The following HLCS variants were observed in gnomAD, a reference collection of about 807,000 sequenced individuals.
The protein encoded by HLCS is holocarboxylase synthetase.
HLCS carries 53 observed loss-of-function variants against 75.0 expected under a neutral mutation model. That is an observed-to-expected ratio of 0.71 (90% CI 0.57 to 0.89). The LOEUF (loss-of-function observed/expected upper bound fraction) is 0.89. HLCS is among the 40% of genes least tolerant of loss of function. The probability of loss-of-function intolerance (pLI) is 0.00; values close to 1 mark genes in which losing one functional copy is unlikely to be tolerated. For synonymous variants in HLCS, 431 were observed against 428.6 expected, an observed-to-expected ratio of 1.01 and a Z score of -0.07; for missense variants, 966 against 1,074.0, an observed-to-expected ratio of 0.90 and a Z score of 1.41.
intron 6 of HLCS, among the ~76,000 whole-genome samples, chr21:36,780,306 G>T (rs34525201): frequency 6.6e-6 from 1 of 151,958 alleles, no homozygotes. Flanking sequence ...GCAGTGGCGC[G>T]ATCCCAGGTT....
chr21:36,897,324 T>C (rs2065055377), intron 5 of HLCS, among the ~76,000 whole-genome samples, 193 bp from the exon 6 acceptor site: 1 of 152,204 alleles, frequency 6.6e-6, no homozygotes, highest in African/African-American at 2.4e-5. Flanking sequence ...ACTTATACTA[T>C]AAAATAAGCT....
intron 2 of HLCS, among the ~76,000 whole-genome samples, chr21:36,959,828 T>TA (rs2068182658): frequency 6.6e-6 from 1 of 152,142 alleles, no homozygotes; most frequent in Non-Finnish European, 1.5e-5. Context: ...TGCAGGACAA[T>TA]AACTCAGGAC....
intron 6 of HLCS, among the ~76,000 whole-genome samples, chr21:36,857,099 T>C (rs1332404481): frequency 1.3e-5 from 2 of 152,230 alleles, no homozygotes; most frequent in African/African-American, 4.8e-5. Context: ...TAAATGCCTC[T>C]ACCAAAATAG....
At chr21:36,830,341 C>G (rs2062158883) in intron 6 of HLCS, among the ~76,000 whole-genome samples, 1 of 152,236 alleles carries the variant, frequency 6.6e-6, no homozygotes, top group Non-Finnish European at 1.5e-5. Context: ...AGAGTAACAT[C>G]AGCCTTTTCC....
intron 9 of HLCS, chr21:36,759,259 G>C (rs972392293): frequency 8.6e-6 from 4 of 467,632 alleles, no homozygotes; most frequent in African/African-American, 2.0e-5. Flanking sequence ...GATGTGCTAA[G>C]GTGAAACAGG....
chr21:36,803,670 CAGA>C (rs1317925593), intron 6 of HLCS, among the ~76,000 whole-genome samples: 3 of 145,216 alleles, frequency 2.1e-5, no homozygotes, highest in African/African-American at 5.1e-5. Context: ...GTTTCCAAAG[CAGA>C]AGTAGAAAGA....
intron 6 of HLCS, among the ~76,000 whole-genome samples, chr21:36,889,891 C>T (rs1276024406): frequency 6.6e-6 from 1 of 152,140 alleles, no homozygotes; most frequent in African/African-American, 2.4e-5. Flanking sequence ...ATGGTTATGC[C>T]CTGTGCCCCC....
upstream of HLCS, among the ~76,000 whole-genome samples, chr21:36,969,848 C>T (rs1187879951): frequency 6.6e-6 from 1 of 152,142 alleles, no homozygotes; most frequent in Non-Finnish European, 1.5e-5. Context: ...GCTGGGATTA[C>T]AGGCGTGAGC....
chr21:36,752,812 CAA>C lies in HLCS; in HGVS notation c.*1432_*1433del. ...GGTAGACAGACTATACTAAAAACCA[CAA>C]GTTTCTGGAATTAGCCTGACTGGGT... is the stretch of plus-strand genomic sequence containing the variant. On this transcript the variant is annotated 3_prime_UTR_variant, in exon 11 of 11. Coordinates refer to ENST00000674895, the MANE Select transcript of HLCS (RefSeq NM_001352514.2). 6.6e-6 allele frequency: 1 copy of C among 152,310 alleles called. No individual in the cohort carries two copies. Among genetic ancestry groups the C allele is most frequent in the East Asian group, 1.9e-4 (1 of 5,184 alleles). The allele number at this position is 152,310 out of a possible 1,614,324, so 9.4% of individuals were successfully genotyped here.
intron 5 of HLCS, among the ~76,000 whole-genome samples, chr21:36,917,606 G>GT (rs1040839250): frequency 7.2e-5 from 11 of 152,186 alleles, no homozygotes; most frequent in Admixed American, 2.0e-4. Flanking sequence ...GGCTACAGCC[G>GT]TAAGCATGCT....
intron 6 of HLCS, among the ~76,000 whole-genome samples, chr21:36,848,192 A>G (rs1450848053): frequency 1.5e-4 from 23 of 152,180 alleles, no homozygotes; most frequent in Admixed American, 1.5e-3. Flanking sequence ...GATATACAAG[A>G]CATGCCAGAA....
At chr21:36,983,356 G>T (rs988027368) in intron 1 of HLCS, among the ~76,000 whole-genome samples, 3 of 151,556 alleles carry the variant, frequency 2.0e-5, no homozygotes, top group Non-Finnish European at 4.4e-5. Flanking sequence ...GACTACAGGT[G>T]CCCACCACCA....
At chr21:36,826,622 AGGGTAAATAGTAACAT>A (rs2062016922) in intron 6 of HLCS, among the ~76,000 whole-genome samples, 1 of 152,254 alleles carries the variant, frequency 6.6e-6, no homozygotes, top group South Asian at 2.1e-4. Context: ...CAACTAGCAC[AGGGTAAATAGTAACAT>A]TCTACTGTAC....
At chr21:36,792,479 GAGGGAAGGGATGGA>G (rs368834527) in intron 6 of HLCS, among the ~76,000 whole-genome samples, 1 of 138,702 alleles carries the variant, frequency 7.2e-6, no homozygotes, top group African/African-American at 2.6e-5. Flanking sequence ...GGGAGAGGGG[GAGGGAAGGGATGGA>G]AGGGAAGGGA....
chr21:36,878,293 T>C (rs1302674342), intron 6 of HLCS, among the ~76,000 whole-genome samples: 1 of 152,186 alleles, frequency 6.6e-6, no homozygotes, highest in Non-Finnish European at 1.5e-5. Context: ...TGTCTTATTT[T>C]CAAGTTCATA....
rs760853458 is a variant in HLCS, at chr21:36,767,208, G to C, written c.1960+10C>G. ...AGAAGTAACAGCAATGATCACAAAA[G>C]ATGACTGACCTTTGCCCTCGGTCTG... On this transcript the variant is annotated intron_variant, in intron 7 of 10. Coordinates refer to ENST00000674895, the MANE Select transcript of HLCS (RefSeq NM_001352514.2). 1 of 1,613,710 alleles carries C rather than the reference G, an allele frequency of 6.2e-7. No homozygotes were observed. The highest frequency in any genetic ancestry group is 1.7e-5 in the Admixed American group (1 of 60,008).
chr21:36,962,898 C>T (rs2146671787), intron 1 of HLCS, among the ~76,000 whole-genome samples: 1 of 152,048 alleles, frequency 6.6e-6, no homozygotes, highest in African/African-American at 2.4e-5. Context: ...TCATTCCCTA[C>T]AGCCATCACA....
At chr21:36,852,174 T>C (rs1390820831) in intron 6 of HLCS, 1 of 152,284 alleles carries the variant, frequency 6.6e-6, no homozygotes, top group Non-Finnish European at 1.5e-5. Context: ...AATTCTTTCA[T>C]GAAGATCCCA....
intron 5 of HLCS, among the ~76,000 whole-genome samples, chr21:36,910,160 C>T (rs538921889): frequency 3.9e-5 from 6 of 152,322 alleles, no homozygotes; most frequent in Admixed American, 1.3e-4. Context: ...GTATTTGACA[C>T]GCAAAATACT....
Sources: gnomAD v4.1 joint callset for allele counts (sites outside exome capture counted in the v4.1 genomes callset) on GRCh38, gnomAD v4.1.1 for gene constraint, MANE v1.5 for transcripts, NCBI Gene and HGNC (gene_info 2026-07-23, HGNC 2026-07-21) for gene names.